Variants in TOMM5 observed in about 807,000 individuals in gnomAD.
TOMM5 encodes translocase of outer mitochondrial membrane 5.
Under a neutral mutation model 4.8 loss-of-function variants are expected in TOMM5, and 1 was observed. The ratio of observed to expected loss-of-function variants is 0.21; its 90% CI spans 0.07 to 0.99. The LOEUF is 0.99. Ranked by LOEUF, TOMM5 falls within the 50% of genes least tolerant of loss-of-function variation. The pLI is 0.60. For synonymous variants in TOMM5, 26 were observed against 26.7 expected, an observed-to-expected ratio of 0.97 and a Z score of 0.08; for missense variants, 60 against 66.6, an observed-to-expected ratio of 0.90 and a Z score of 0.35.
intron 1 of TOMM5, 101 bp from the exon 2 acceptor site, chr9:37,589,033 C>A: frequency 9.6e-7 from 1 of 1,045,242 alleles, no homozygotes. Flanking sequence ...GAAAATAACT[C>A]CAAGTGATGG....
intron 1 of TOMM5, among the ~76,000 whole-genome samples, chr9:37,591,445 C>CT (rs1179623107): frequency 6.6e-6 from 1 of 151,988 alleles, no homozygotes; most frequent in Non-Finnish European, 1.5e-5. Context: ...AATCCCAGCA[C>CT]TTTGGGAGGC....
At chr9:37,588,958 A>T in intron 1 of TOMM5, 26 bp from the exon 2 acceptor site, 1 of 1,590,670 alleles carries the variant, frequency 6.3e-7, no homozygotes, top group Non-Finnish European at 8.6e-7. Context: ...ATCTAAAATT[A>T]GTTTTCAAAT....
At chr9:37,591,719 AGAAAG>A (rs1365189226) in intron 1 of TOMM5, among the ~76,000 whole-genome samples, 1 of 150,898 alleles carries the variant, frequency 6.6e-6, no homozygotes, top group East Asian at 2.0e-4. Context: ...AGAAAAGAAA[AGAAAG>A]GGAAGGAACC....
chr9:37,592,252 C>T (rs1405350484), intron 1 of TOMM5, 160 bp downstream of exon 1: 1 of 1,547,414 alleles, frequency 6.5e-7, no homozygotes, highest in African/African-American at 1.4e-5. Flanking sequence ...GACCCGCAGA[C>T]CTCAAACCGC....
Position 37,592,570 on chromosome 9 carries a change from T to A in TOMM5, c.-38A>T. 1 of 1,598,232 alleles carries A rather than the reference T, an allele frequency of 6.3e-7. No homozygotes were observed. ...TTAGCAGCTTCCAGCCGCCGCGCTC[T>A]GCTCTCCACGGTGGCCGCCTCGCGC... On this transcript the variant is annotated 5_prime_UTR_variant, in exon 1 of 2. Coordinates refer to ENST00000321301, the MANE Select transcript of TOMM5 (RefSeq NM_001001790.3).
intron 1 of TOMM5, among the ~76,000 whole-genome samples, chr9:37,589,255 G>T (rs1823063787): frequency 6.6e-6 from 1 of 152,172 alleles, no homozygotes; most frequent in Non-Finnish European, 1.5e-5. Flanking sequence ...AACTGTAAAA[G>T]GAACAAAACT....
chr9:37,592,143 G>A, intron 1 of TOMM5: 7 of 1,370,316 alleles, frequency 5.1e-6, no homozygotes, highest in Non-Finnish European at 5.9e-6. Context: ...ACAGGTGTGA[G>A]CCAACGCGCC....
chr9:37,592,166 C>T, intron 1 of TOMM5: 1 of 1,451,228 alleles, frequency 6.9e-7, no homozygotes. Context: ...GCAGCTCAAA[C>T]ATTCTTCAAG....
At chr9:37,591,134 G>GA (rs1220575330) in intron 1 of TOMM5, among the ~76,000 whole-genome samples, 3 of 152,124 alleles carry the variant, frequency 2.0e-5, no homozygotes, top group Non-Finnish European at 4.4e-5. Flanking sequence ...AGTCCCCTCT[G>GA]AAAATCAAGT....
At chr9:37,592,338 A>AC (rs1217075385) in intron 1 of TOMM5, 74 bp downstream of exon 1, 1 of 1,606,238 alleles carries the variant, frequency 6.2e-7, no homozygotes, top group Admixed American at 1.7e-5. Flanking sequence ...GGCCCCGATG[A>AC]CCCCTTAGAG....
intron 1 of TOMM5, among the ~76,000 whole-genome samples, chr9:37,591,830 C>T (rs897093025): frequency 7.9e-5 from 12 of 152,136 alleles, no homozygotes; most frequent in Non-Finnish European, 1.6e-4. Flanking sequence ...CTGTTTCTTC[C>T]TTCTAGAACT....
intron 1 of TOMM5, 112 bp downstream of exon 1, chr9:37,592,298 GCT>G: frequency 6.4e-7 from 1 of 1,567,412 alleles, no homozygotes; most frequent in Non-Finnish European, 8.7e-7. Flanking sequence ...CACCCTCCTT[GCT>G]CCCCGCTACC....
chr9:37,590,399 G>A (rs975237169), intron 1 of TOMM5, among the ~76,000 whole-genome samples: 10 of 150,180 alleles, frequency 6.7e-5, no homozygotes, highest in Non-Finnish European at 1.2e-4. Context: ...GAGCAAGACC[G>A]TCTCAAAAAA....
chr9:37,592,559 C>A lies in TOMM5; in HGVS notation c.-27G>T, dbSNP rs11544294. 1.2e-6 allele frequency: 2 copies of A among 1,604,060 alleles called. No individual in the cohort carries two copies. Among genetic ancestry groups the A allele is most frequent in the Non-Finnish European group, 1.7e-6 (2 of 1,174,272 alleles). On this transcript the variant is annotated 5_prime_UTR_variant, in exon 1 of 2. Transcript: ENST00000321301. ...GCGGCTCTGACTTAGCAGCTTCCAGCCGCCGCGCTCTGCTCTCCACGGTGG... is the reference window on the plus strand; with the variant it reads ...GCGGCTCTGACTTAGCAGCTTCCAGACGCCGCGCTCTGCTCTCCACGGTGG...
chr9:37,592,017 A>T (rs893535476), intron 1 of TOMM5, among the ~76,000 whole-genome samples: 1 of 151,922 alleles, frequency 6.6e-6, no homozygotes, highest in African/African-American at 2.4e-5. Flanking sequence ...TCCTGGATTC[A>T]AGCAATCCTC....
chr9:37,591,305 A>T (rs888350481), intron 1 of TOMM5, among the ~76,000 whole-genome samples: 3 of 151,912 alleles, frequency 2.0e-5, no homozygotes, highest in Non-Finnish European at 4.4e-5. Context: ...CTTTTTTCCC[A>T]TTTTTTTCCA....
chr9:37,588,821 G>C lies in TOMM5; in HGVS notation c.*77C>G, dbSNP rs1183710841. The C allele has an allele frequency of 7.2e-7, 1 of 1,395,834 alleles. No homozygotes were observed. The highest frequency in any genetic ancestry group is 1.0e-6 in the Non-Finnish European group (1 of 981,440). 86.5% of individuals were successfully genotyped at this position (1,395,834 alleles called of 1,614,324 possible). On this transcript the variant is annotated 3_prime_UTR_variant, in exon 2 of 2. Transcript: ENST00000321301. ...CAAAGAGTCTCTTACACCTTTCTGG[G>C]CCTATTCACTTGCAGAGAGGAGTCG... is the stretch of plus-strand genomic sequence containing the variant.
rs372999591 is a variant in TOMM5, at chr9:37,592,508, G to A, written c.25C>T (p.Pro9Ser). The A allele has an allele frequency of 6.2e-7, 1 of 1,613,556 alleles. No individual in the cohort carries two copies. The highest frequency in any genetic ancestry group is 8.5e-7 in the Non-Finnish European group (1 of 1,179,944). MFRIEGLA[P>S]KLDPEEMKRK... is the part of the protein sequence containing the mutation. ...TTCATCTCCTCCGGGTCCAGCTTCG[G>A]CGCGAGGCCCTCAATCCGGAACATC... The change falls in exon 1 of 2, where the codon CCG (proline) becomes TCG (serine). Residue 9 changes from proline to serine, a missense_variant. By Grantham distance (74) the Pro-to-Ser change is moderately conservative. Coordinates refer to ENST00000321301, the MANE Select transcript of TOMM5 (RefSeq NM_001001790.3).
intron 1 of TOMM5, 58 bp downstream of exon 1, chr9:37,592,354 G>C: frequency 6.2e-7 from 1 of 1,611,324 alleles, no homozygotes; most frequent in Non-Finnish European, 8.5e-7. Context: ...TAGAGTTAAG[G>C]GGTGCCCGTC....
Sources: allele counts gnomAD v4.1 joint callset (sites outside exome capture counted in the v4.1 genomes callset), GRCh38; gene constraint gnomAD v4.1.1; transcripts MANE v1.5; gene names NCBI Gene and HGNC (gene_info 2026-07-23, HGNC 2026-07-21).